Variants in LANCL3 observed in about 807,000 individuals in gnomAD.
LANCL3 encodes the protein LanC like family member 3.
In LANCL3, 19 loss-of-function variants were observed where a neutral mutation model predicts 26.5. That is an observed-to-expected ratio of 0.72 (90% CI 0.50 to 1.05). LANCL3 has a LOEUF of 1.05. Among genes scored for constraint, LANCL3 ranks in the 50% least tolerant of loss-of-function variants. The pLI, the probability that LANCL3 is intolerant of heterozygous loss-of-function variation, is 0.00. For synonymous variants in LANCL3, 160 were observed against 166.6 expected (o/e 0.96, Z 0.30); for missense variants, 318 against 362.7 (o/e 0.88, Z 1.00).
chrX:37,634,406 T>C (rs1164370068), intron 1 of LANCL3, among the ~76,000 whole-genome samples: 1 of 113,196 alleles, frequency 8.8e-6, no homozygotes, highest in African/African-American at 3.2e-5. Flanking sequence ...AGTGAGGCAA[T>C]GCCTCGCCCT....
At chrX:37,672,410 G>A (rs1490459520) in intron 4 of LANCL3, among the ~76,000 whole-genome samples, 3 of 112,263 alleles carry the variant, frequency 2.7e-5, no homozygotes, top group African/African-American at 3.2e-5. Context: ...AACGGAATGT[G>A]TAGGAAAGAC....
intron 1 of LANCL3, among the ~76,000 whole-genome samples, chrX:37,655,012 T>A (rs1051807593): frequency 1.5e-4 from 17 of 112,843 alleles, no homozygotes; most frequent in African/African-American, 4.5e-4. Flanking sequence ...CTTTGAAGGC[T>A]TGAGAACCGT....
rs1926991275 is a variant in LANCL3, at chrX:37,683,698, G to C, written c.*7885G>C. The C allele has an allele frequency of 9.0e-6, 1 of 111,637 alleles. No homozygotes were observed. Among genetic ancestry groups the C allele is most frequent in the Admixed American group, 9.5e-5 (1 of 10,497 alleles). 9.2% of individuals were successfully genotyped at this position (111,637 alleles called of 1,213,427 possible). ...AGCAATTAGGTCTAAATTTAGAGTA[G>C]AATATTTTGCCAGATATTTTACTAT... On this transcript the variant is annotated 3_prime_UTR_variant, in exon 5 of 5. Coordinates refer to ENST00000378619, the MANE Select transcript of LANCL3 (RefSeq NM_001170331.2).
chrX:37,574,315 G>C (rs1923687913), intron 1 of LANCL3, among the ~76,000 whole-genome samples: 1 of 111,367 alleles, frequency 9.0e-6, no homozygotes, highest in Non-Finnish European at 1.9e-5. Flanking sequence ...CATAGACCTT[G>C]ATTAGATTGA....
intron 1 of LANCL3, among the ~76,000 whole-genome samples, chrX:37,636,688 G>A (rs1556425385): frequency 9.0e-6 from 1 of 111,590 alleles, no homozygotes; most frequent in African/African-American, 3.3e-5. Context: ...CCCTCATGAT[G>A]TGGAGTGACT....
At chrX:37,627,013 A>G (rs1925332994) in intron 1 of LANCL3, among the ~76,000 whole-genome samples, 1 of 111,921 alleles carries the variant, frequency 8.9e-6, no homozygotes, top group Non-Finnish European at 1.9e-5. Context: ...AATGATCTCT[A>G]GTCACCAGGT....
chrX:37,590,338 G>A (rs1924238051), intron 1 of LANCL3, among the ~76,000 whole-genome samples: 1 of 112,725 alleles, frequency 8.9e-6, no homozygotes, highest in Non-Finnish European at 1.9e-5. Flanking sequence ...CTCAGCAAAT[G>A]TTCCAGGTCA....
At chrX:37,658,464 C>A (rs1926339619) in intron 2 of LANCL3, among the ~76,000 whole-genome samples, 1 of 112,025 alleles carries the variant, frequency 8.9e-6, no homozygotes, top group East Asian at 2.8e-4. Context: ...ACTCTTTATT[C>A]TATTCAGGCC....
At chrX:37,601,088 G>T (rs1602102393) in intron 1 of LANCL3, among the ~76,000 whole-genome samples, 1 of 111,822 alleles carries the variant, frequency 8.9e-6, no homozygotes, top group African/African-American at 3.3e-5. Flanking sequence ...ATGCTGTTTG[G>T]TGGGGGAAGA....
At chrX:37,616,166 T>G (rs183534691) in intron 1 of LANCL3, among the ~76,000 whole-genome samples, 165 of 111,334 alleles carry the variant, frequency 1.5e-3, no homozygotes, top group African/African-American at 5.1e-3. Context: ...AATTCAACCA[T>G]TAATGTTCCA....
chrX:37,574,538 G>A (rs1923693665), intron 1 of LANCL3, among the ~76,000 whole-genome samples: 1 of 111,653 alleles, frequency 9.0e-6, no homozygotes, highest in African/African-American at 3.3e-5. Flanking sequence ...AATATACTTT[G>A]AGCTAGAATC....
At chrX:37,602,915 G>T (rs7892216) in intron 1 of LANCL3, among the ~76,000 whole-genome samples, 21,011 of 111,210 alleles carry the variant, frequency 0.19, 3,107 homozygotes, top group African/African-American at 0.51. Context: ...AGCTCATACA[G>T]TTTTTATCTG....
chrX:37,679,386 C>T lies in LANCL3; in HGVS notation c.*3573C>T, dbSNP rs1926881950. ...ACCAGTCCTGAGCACAGCACTTTGCCTCAGAAGGTTCTGATTCACCAAGAC... is the reference window on the plus strand; with the variant it reads ...ACCAGTCCTGAGCACAGCACTTTGCTTCAGAAGGTTCTGATTCACCAAGAC... On this transcript the variant is annotated 3_prime_UTR_variant, in exon 5 of 5. Transcript: ENST00000378619. 9.0e-6 allele frequency: 1 copy of T among 111,358 alleles called. No homozygotes were observed. Among genetic ancestry groups the T allele is most frequent in the Non-Finnish European group, 1.9e-5 (1 of 53,033 alleles). The allele number at this position is 111,358 out of a possible 1,213,427, so 9.2% of individuals were successfully genotyped here. A position where few individuals can be genotyped will look rare whatever the true frequency, so the allele number is the denominator to read the frequency against.
At position 37,609,419 on chromosome X, in the gene LANCL3, CG is replaced by C. The variant is rs1390274258; in HGVS notation, c.573+36979del. 2.7e-5 allele frequency among the ~76,000 whole-genome samples: 3 copies of C among 111,399 alleles called. No individual in the cohort carries two copies. In the East Asian group the frequency reaches 8.4e-4, roughly 31 times the overall value. ...ATGAGGGACAAAGGAGGTGGAGAAT[CG>C]GGAAAGGGTATGAGGAAGTGTTATT... On this transcript the variant is annotated intron_variant, in intron 1 of 4. Coordinates refer to ENST00000378619, the MANE Select transcript of LANCL3 (RefSeq NM_001170331.2).
intron 1 of LANCL3, among the ~76,000 whole-genome samples, chrX:37,634,908 T>A (rs1256762953): frequency 9.0e-6 from 1 of 110,786 alleles, no homozygotes; most frequent in East Asian, 2.8e-4. Context: ...CATGGGTAAA[T>A]GGTATATGAG....
chrX:37,634,405 A>G (rs1412786291), intron 1 of LANCL3, among the ~76,000 whole-genome samples: 3 of 113,082 alleles, frequency 2.7e-5, no homozygotes, highest in Non-Finnish European at 3.7e-5. Context: ...GAGTGAGGCA[A>G]TGCCTCGCCC....
chrX:37,606,679 C>A lies in LANCL3; in HGVS notation c.573+34236C>A, dbSNP rs782283369. Among the ~76,000 whole-genome samples the A allele has an allele frequency of 3.6e-5, 4 of 111,480 alleles. No homozygotes were observed. In the South Asian group the frequency reaches 1.5e-3, roughly 43 times the overall value. On this transcript the variant is annotated intron_variant, in intron 1 of 4. Transcript: ENST00000378619. ...AAAGGAGGAACAAACTCCTGATTTACCCCCACGAGGCTTTACCTGAACCAG... is the reference window on the plus strand; with the variant it reads ...AAAGGAGGAACAAACTCCTGATTTAACCCCACGAGGCTTTACCTGAACCAG...
intron 1 of LANCL3, among the ~76,000 whole-genome samples, chrX:37,606,946 G>C (rs1468256033): frequency 1.8e-5 from 2 of 112,320 alleles, no homozygotes; most frequent in African/African-American, 3.2e-5. Context: ...TGCTTAGTGA[G>C]GGTCTAGTCC....
intron 1 of LANCL3, among the ~76,000 whole-genome samples, chrX:37,612,066 G>A (rs1442167230): frequency 1.8e-5 from 2 of 110,317 alleles, no homozygotes; most frequent in African/African-American, 6.6e-5. Context: ...TCAGCCTCCC[G>A]AGTAGCTGGG....
Sources: allele counts gnomAD v4.1 joint callset (sites outside exome capture counted in the v4.1 genomes callset), GRCh38; gene constraint gnomAD v4.1.1; transcripts MANE v1.5; gene names NCBI Gene and HGNC (gene_info 2026-07-23, HGNC 2026-07-21).